GSDMC: variants seen among roughly 807,000 people sequenced by gnomAD.
The protein encoded by GSDMC is gasdermin-C.
GSDMC carries 59 observed loss-of-function variants against 58.0 expected under a neutral mutation model. The ratio of observed to expected loss-of-function variants is 1.02; its 90% CI spans 0.82 to 1.26. The LOEUF (loss-of-function observed/expected upper bound fraction) is 1.26, where lower values mean the gene tolerates loss of function less well. Ranked by LOEUF, GSDMC falls within the 50% of genes most tolerant of loss-of-function variation. The pLI, the probability that GSDMC is intolerant of heterozygous loss-of-function variation, is 0.00. For missense variants in GSDMC, 659 were observed against 598.5 expected, an observed-to-expected ratio of 1.10 and a Z score of -1.06; for synonymous variants, 241 against 220.2, an observed-to-expected ratio of 1.09 and a Z score of -0.83.
intron 3 of GSDMC, among the ~76,000 whole-genome samples, chr8:129,772,348 G>C (rs559941465): frequency 6.6e-6 from 1 of 151,306 alleles, no homozygotes; most frequent in South Asian, 2.1e-4. Flanking sequence ...AAAACTGAGG[G>C]GTTTTTTGAA....
chr8:129,751,740 C>T, intron 9 of GSDMC, 122 bp downstream of exon 9: 3 of 1,177,958 alleles, frequency 2.5e-6, no homozygotes. Flanking sequence ...TCCCATTCCA[C>T]ATGACCAAAC....
At chr8:129,780,843 A>G (rs1362318713) in intron 1 of GSDMC, among the ~76,000 whole-genome samples, 1 of 152,238 alleles carries the variant, frequency 6.6e-6, no homozygotes, top group Non-Finnish European at 1.5e-5. Context: ...CTTTCAAGAC[A>G]TAGTACCACA....
At chr8:129,724,808 G>C in the GSDMC span, among the ~76,000 whole-genome samples, 5 of 152,004 alleles carry the variant, frequency 3.3e-5, no homozygotes, top group Non-Finnish European at 7.4e-5. Context: ...GGGTGGGAGG[G>C]AGCTACCTAT....
At chr8:129,708,417 T>C in the GSDMC span, among the ~76,000 whole-genome samples, 1 of 152,200 alleles carries the variant, frequency 6.6e-6, no homozygotes, top group Non-Finnish European at 1.5e-5. Context: ...CGGCTCTGTC[T>C]CCCTGCAGGA....
At chr8:129,746,879 G>C (rs927436963), downstream of GSDMC, among the ~76,000 whole-genome samples, 6 of 152,168 alleles carry the variant, frequency 3.9e-5, no homozygotes, top group African/African-American at 1.4e-4. Context: ...GACTTGGGGA[G>C]TGAAGCACTA....
intron 5 of GSDMC, 32 bp from the exon 6 acceptor site, chr8:129,760,621 A>T (rs370893680): frequency 5.3e-5 from 50 of 940,284 alleles, no homozygotes; most frequent in African/African-American, 1.2e-4. Context: ...CCATTAGGAG[A>T]GTTGAGGTTA....
chr8:129,754,162 AGCCAAGTAGTG>A (rs2033337706), intron 6 of GSDMC, among the ~76,000 whole-genome samples: 1 of 152,238 alleles, frequency 6.6e-6, no homozygotes, highest in African/African-American at 2.4e-5. Context: ...CACAGGTAGT[AGCCAAGTAGTG>A]GTTACAGCAG....
chr8:129,715,015 T>G, the GSDMC span, among the ~76,000 whole-genome samples: 1 of 152,224 alleles, frequency 6.6e-6, no homozygotes, highest in East Asian at 1.9e-4. Context: ...ACCTGAATGA[T>G]GGTAAGGCGT....
the GSDMC span, among the ~76,000 whole-genome samples, chr8:129,732,625 A>C: frequency 6.6e-6 from 1 of 152,238 alleles, no homozygotes; most frequent in Non-Finnish European, 1.5e-5. Context: ...TATGGATTGC[A>C]AGGAAGCTCA....
the GSDMC span, among the ~76,000 whole-genome samples, chr8:129,734,515 C>A: frequency 6.6e-6 from 1 of 152,138 alleles, no homozygotes; most frequent in African/African-American, 2.4e-5. Context: ...GAGTGGGGGC[C>A]AATATCCAAC....
chr8:129,776,423 G>A (rs2034229023), intron 2 of GSDMC, 138 bp from the exon 3 acceptor site: 1 of 582,870 alleles, frequency 1.7e-6, no homozygotes, highest in Non-Finnish European at 3.0e-6. Flanking sequence ...CTTAAACTCT[G>A]TTGAAAACTA....
chr8:129,726,779 C>G, the GSDMC span, among the ~76,000 whole-genome samples: 1 of 146,940 alleles, frequency 6.8e-6, no homozygotes, highest in Non-Finnish European at 1.5e-5. Flanking sequence ...CCCACCCACC[C>G]CCTGCCTCTA....
At chr8:129,718,069 C>T in the GSDMC span, among the ~76,000 whole-genome samples, 1 of 152,116 alleles carries the variant, frequency 6.6e-6, no homozygotes, top group African/African-American at 2.4e-5. Context: ...CCATAAAAAT[C>T]CTAGAAGAAA....
intron 3 of GSDMC, among the ~76,000 whole-genome samples, chr8:129,771,278 A>G (rs1037358528): frequency 2.6e-5 from 4 of 152,080 alleles, no homozygotes; most frequent in Non-Finnish European, 5.9e-5. Context: ...AAAAAAATCA[A>G]TGCAGAAATA....
intron 4 of GSDMC, among the ~76,000 whole-genome samples, chr8:129,765,425 G>C (rs969776814): frequency 6.6e-6 from 1 of 152,116 alleles, no homozygotes; most frequent in Non-Finnish European, 1.5e-5. Flanking sequence ...ACCCCGTATA[G>C]TAAAACACTG....
chr8:129,768,068 C>T (rs1223419675), intron 3 of GSDMC, among the ~76,000 whole-genome samples: 2 of 152,050 alleles, frequency 1.3e-5, no homozygotes, highest in Admixed American at 6.6e-5. Flanking sequence ...TCATCCTGAT[C>T]ATAGAACCCA....
chr8:129,778,776 AAC>A (rs1240749429), intron 1 of GSDMC, among the ~76,000 whole-genome samples: 2 of 148,624 alleles, frequency 1.3e-5, no homozygotes, highest in Admixed American at 6.8e-5. Context: ...AAAAAAAAAA[AAC>A]ATTAAGAAGT....
chr8:129,776,847 G>A (rs571753938), intron 2 of GSDMC, among the ~76,000 whole-genome samples: 7 of 151,914 alleles, frequency 4.6e-5, no homozygotes, highest in Non-Finnish European at 8.8e-5. Context: ...TGCAACCTCC[G>A]CCTTCTGGGC....
At chr8:129,780,648 G>A (rs556661869) in intron 1 of GSDMC, among the ~76,000 whole-genome samples, 2 of 152,328 alleles carry the variant, frequency 1.3e-5, no homozygotes, top group East Asian at 3.9e-4. Flanking sequence ...ACTAAAGGGA[G>A]TTGTTCTATC....
Sources: gnomAD v4.1 joint callset for allele counts (sites outside exome capture counted in the v4.1 genomes callset) on GRCh38, gnomAD v4.1.1 for gene constraint, MANE v1.5 for transcripts, NCBI Gene and HGNC (gene_info 2026-07-23, HGNC 2026-07-21) for gene names.